The following VPS8 variants were observed in gnomAD, a reference collection of about 807,000 sequenced individuals.
VPS8 encodes the protein vacuolar protein sorting-associated protein 8 homolog.
Under a neutral mutation model 216.4 loss-of-function variants are expected in VPS8, and 129 were observed. The ratio of observed to expected loss-of-function variants is 0.60; its 90% CI spans 0.52 to 0.69. The LOEUF is 0.69. Ranked by LOEUF, VPS8 falls within the 30% of genes least tolerant of loss-of-function variation. The pLI is 0.00. For missense variants in VPS8, 1,531 were observed against 1,683.5 expected, an observed-to-expected ratio of 0.91 and a Z score of 1.59; for synonymous variants, 571 against 565.4, an observed-to-expected ratio of 1.01 and a Z score of -0.14.
intron 39 of VPS8, among the ~76,000 whole-genome samples, chr3:184,967,406 C>T (rs1747597284): frequency 6.6e-6 from 1 of 152,058 alleles, no homozygotes; most frequent in Non-Finnish European, 1.5e-5. Flanking sequence ...TTGAACATAG[C>T]CAATGTTTCC....
intron 8 of VPS8, among the ~76,000 whole-genome samples, chr3:184,844,208 G>A (rs1722686608): frequency 6.6e-6 from 1 of 152,128 alleles, no homozygotes; most frequent in Non-Finnish European, 1.5e-5. Flanking sequence ...GATCACTTGA[G>A]GTCAGTAGTT....
At chr3:184,915,141 G>A in intron 27 of VPS8, 88 bp downstream of exon 27, 1 of 1,454,238 alleles carries the variant, frequency 6.9e-7, no homozygotes, top group Non-Finnish European at 9.6e-7. Flanking sequence ...CTTACACGTG[G>A]GTCAGGAGCT....
chr3:184,922,999 A>G (rs187525502), intron 29 of VPS8, among the ~76,000 whole-genome samples: 174 of 152,234 alleles, frequency 1.1e-3, no homozygotes, highest in African/African-American at 4.0e-3. Context: ...ATAACTTGAA[A>G]TACCCACATA....
rs774627761 is a variant in VPS8 at position 184,983,083 on chromosome 3, A to G, written c.3574A>G (p.Arg1192Gly). Reference protein sequence around the residue: ...AFIALPSILQRILQDPVYGKG... With the variant: ...AFIALPSILQGILQDPVYGKG... ...TATTGCCCTTCCATCAATCTTGCAA[A>G]GAATCTTACAGGTGAGTTAAAAGGG... Residue 1192 changes from arginine (R) to glycine (G), a missense_variant, in exon 42 of 48, where the codon AGA (arginine) becomes GGA (glycine). Transcript: ENST00000625842. 1.1e-5 allele frequency: 18 copies of G among 1,607,304 alleles called. No individual in the cohort carries two copies. Among genetic ancestry groups the G allele is most frequent in the Non-Finnish European group, 1.5e-5 (18 of 1,176,364 alleles).
chr3:184,886,977 T>C (rs1731395373), intron 22 of VPS8, among the ~76,000 whole-genome samples: 1 of 152,258 alleles, frequency 6.6e-6, no homozygotes, highest in Admixed American at 6.5e-5. Flanking sequence ...ATTTTTTGTT[T>C]GTTTGTTTAA....
intron 44 of VPS8, among the ~76,000 whole-genome samples, chr3:184,998,579 G>A (rs1474019397): frequency 7.1e-6 from 1 of 140,380 alleles, no homozygotes; most frequent in Non-Finnish European, 1.6e-5. Context: ...AAGAAAAAGA[G>A]TATAAAGACT....
intron 46 of VPS8, among the ~76,000 whole-genome samples, chr3:185,039,418 T>G (rs965102499): frequency 1.3e-5 from 2 of 151,926 alleles, no homozygotes; most frequent in Non-Finnish European, 2.9e-5. Flanking sequence ...CTGCCTCCAC[T>G]CAAGGCAGAA....
At chr3:184,835,363 G>T (rs1172485768) in intron 5 of VPS8, among the ~76,000 whole-genome samples, 1 of 152,188 alleles carries the variant, frequency 6.6e-6, no homozygotes, top group African/African-American at 2.4e-5. Context: ...TGAAATGGAG[G>T]TGGCATTGGT....
intron 42 of VPS8, among the ~76,000 whole-genome samples, chr3:184,989,798 T>C (rs1751625694): frequency 6.6e-6 from 1 of 151,960 alleles, no homozygotes; most frequent in Non-Finnish European, 1.5e-5. Context: ...TCAGCCGGGA[T>C]GTGGTGGCTC....
chr3:184,991,749 G>T (rs1353062779), intron 42 of VPS8, among the ~76,000 whole-genome samples: 4 of 152,040 alleles, frequency 2.6e-5, no homozygotes, highest in African/African-American at 9.7e-5. Flanking sequence ...ATTAACAAGG[G>T]TCTATTTTTA....
At chr3:184,948,520 T>C (rs1744093373) in intron 36 of VPS8, among the ~76,000 whole-genome samples, 1 of 151,964 alleles carries the variant, frequency 6.6e-6, no homozygotes, top group African/African-American at 2.4e-5. Context: ...GAGACCTGTC[T>C]CCAAAAAACA....
Position 184,964,573 on chromosome 3 carries a change from G to T in VPS8, c.3273+16G>T. The T allele has an allele frequency of 7.1e-7, 1 of 1,413,206 alleles. No homozygotes were observed. Among genetic ancestry groups the T allele is most frequent in the Non-Finnish European group, 9.5e-7 (1 of 1,053,782 alleles). 87.5% of individuals were successfully genotyped at this position (1,413,206 alleles called of 1,614,324 possible). A position where few individuals can be genotyped will look rare whatever the true frequency, so the allele number is the denominator to read the frequency against. ...AATGTTAGAGGTAACACTTTACTAT[G>T]TTTCTTTCATCATATTTCTGTCTAT... On this transcript the variant is annotated intron_variant, in intron 38 of 47. Coordinates refer to ENST00000625842, the MANE Select transcript of VPS8 (RefSeq NM_001009921.3).
rs182781247 is a variant in VPS8, at chr3:184,973,444, A to T, written c.3420+1692A>T. 8.4e-4 allele frequency among the ~76,000 whole-genome samples: 128 copies of T among 152,250 alleles called. No individual in the cohort carries two copies. The Middle Eastern group carries it at 0.01, about 12-fold the overall frequency. ...CTTAATTGATGCATAATAATTATAC[A>T]TATTCGTGGGGTTAATGTGATATTT... On this transcript the variant is annotated intron_variant, in intron 40 of 47. Coordinates refer to ENST00000625842, the MANE Select transcript of VPS8 (RefSeq NM_001009921.3).
At chr3:185,024,294 T>C in intron 45 of VPS8, 42 bp from the exon 46 acceptor site, 1 of 1,541,910 alleles carries the variant, frequency 6.5e-7, no homozygotes, top group South Asian at 1.2e-5. Flanking sequence ...AAAACTAGAC[T>C]ATAACTGAAA....
chr3:184,899,593 AT>A (rs1020729762), intron 24 of VPS8, among the ~76,000 whole-genome samples: 5 of 151,052 alleles, frequency 3.3e-5, no homozygotes, highest in South Asian at 2.1e-4. Flanking sequence ...TATCTCAAGG[AT>A]TTTTTTTTGT....
At chr3:185,015,422 T>G (rs575012297) in intron 45 of VPS8, among the ~76,000 whole-genome samples, 212 of 152,354 alleles carry the variant, frequency 1.4e-3, no homozygotes, top group African/African-American at 5.0e-3. Flanking sequence ...GAACCACGTA[T>G]GAAGAATCAG....
At chr3:184,817,424 T>C (rs1316746142) in intron 1 of VPS8, 1 of 152,090 alleles carries the variant, frequency 6.6e-6, no homozygotes, top group Non-Finnish European at 1.5e-5. Flanking sequence ...GTTTAGACAA[T>C]GAGGAAATCA....
At chr3:185,032,218 AAACT>A (rs1393902459) in intron 46 of VPS8, among the ~76,000 whole-genome samples, 4 of 152,310 alleles carry the variant, frequency 2.6e-5, no homozygotes, top group African/African-American at 7.2e-5. Context: ...ATTTTAGTTA[AAACT>A]AACTAAACAG....
At chr3:184,843,497 G>A (rs1722568244) in intron 8 of VPS8, among the ~76,000 whole-genome samples, 1 of 152,048 alleles carries the variant, frequency 6.6e-6, no homozygotes, top group South Asian at 2.1e-4. Context: ...ATCTTTTGAT[G>A]TAGTCCCAAA....
Sources: gnomAD v4.1 joint callset for allele counts (sites outside exome capture counted in the v4.1 genomes callset) on GRCh38, gnomAD v4.1.1 for gene constraint, MANE v1.5 for transcripts, NCBI Gene and HGNC (gene_info 2026-07-23, HGNC 2026-07-21) for gene names.